The following ANGPT1 variants were observed in gnomAD, a reference collection of about 807,000 sequenced individuals.
ANGPT1 encodes angiopoietin 1, also known as angiopoietin-1.
ANGPT1 carries 17 observed loss-of-function variants against 62.2 expected under a neutral mutation model. That is an observed-to-expected ratio of 0.27 (90% CI 0.19 to 0.41). The LOEUF is 0.41. Ranked by LOEUF, ANGPT1 falls within the 10% of genes least tolerant of loss-of-function variation. The pLI is 1.00. For synonymous variants in ANGPT1, 199 were observed against 198.9 expected (o/e 1.00, Z 0.00); for missense variants, 478 against 594.9 (o/e 0.80, Z 2.04).
At chr8:107,487,244 T>G (rs1203070754) in intron 1 of ANGPT1, among the ~76,000 whole-genome samples, 1 of 152,006 alleles carries the variant, frequency 6.6e-6, no homozygotes, top group African/African-American at 2.4e-5. Flanking sequence ...TTAAAAACAA[T>G]AATGGAGGAG....
intron 4 of ANGPT1, among the ~76,000 whole-genome samples, chr8:107,313,299 C>A (rs1316643721): frequency 6.6e-6 from 1 of 152,002 alleles, no homozygotes; most frequent in Non-Finnish European, 1.5e-5. Flanking sequence ...CATAACCCCA[C>A]TCAGAATGTG....
chr8:107,370,309 AGGAAGGAAGGAAAG>A (rs1225139501), intron 1 of ANGPT1, among the ~76,000 whole-genome samples: 1 of 103,884 alleles, frequency 9.6e-6, no homozygotes, highest in African/African-American at 3.2e-5. Flanking sequence ...GAAAGAAAGA[AGGAAGGAAGGAAAG>A]AGAAAGGAAA....
At chr8:107,466,378 A>G (rs528768437) in intron 1 of ANGPT1, among the ~76,000 whole-genome samples, 60 of 152,150 alleles carry the variant, frequency 3.9e-4, no homozygotes, top group Middle Eastern at 3.4e-3. Flanking sequence ...GAGATGGACA[A>G]CCTGGATTCT....
intron 1 of ANGPT1, among the ~76,000 whole-genome samples, chr8:107,388,434 A>G (rs1479366307): frequency 4.4e-5 from 2 of 45,242 alleles, no homozygotes; most frequent in African/African-American, 8.5e-5. Flanking sequence ...TTTTAATAAA[A>G]ATAAATAAAT....
At chr8:107,449,160 G>T (rs1018690191) in intron 1 of ANGPT1, among the ~76,000 whole-genome samples, 2 of 151,968 alleles carry the variant, frequency 1.3e-5, no homozygotes, top group Non-Finnish European at 2.9e-5. Context: ...TCATTTACTT[G>T]TCCCTACATC....
intron 1 of ANGPT1, among the ~76,000 whole-genome samples, chr8:107,379,037 T>C (rs1816585885): frequency 6.6e-6 from 1 of 152,000 alleles, no homozygotes; most frequent in Non-Finnish European, 1.5e-5. Context: ...ACAAACTCTG[T>C]TTCTATTATT....
chr8:107,414,776 G>A (rs956106069), intron 1 of ANGPT1, among the ~76,000 whole-genome samples: 4 of 152,100 alleles, frequency 2.6e-5, no homozygotes, highest in Admixed American at 2.6e-4. Context: ...CAAAATGAAT[G>A]TAAATCTTTA....
chr8:107,354,551 T>C (rs965260560), intron 1 of ANGPT1, among the ~76,000 whole-genome samples: 1 of 152,196 alleles, frequency 6.6e-6, no homozygotes, highest in African/African-American at 2.4e-5. Context: ...TGAATATTAA[T>C]TTATTATAGA....
chr8:107,405,169 T>C (rs1311777491), intron 1 of ANGPT1, among the ~76,000 whole-genome samples: 2 of 151,928 alleles, frequency 1.3e-5, no homozygotes, highest in Non-Finnish European at 2.9e-5. Context: ...TTACAGTTTT[T>C]TCTCATTCTA....
intron 1 of ANGPT1, among the ~76,000 whole-genome samples, chr8:107,351,890 G>C (rs1370192445): frequency 6.6e-6 from 1 of 152,138 alleles, no homozygotes; most frequent in Non-Finnish European, 1.5e-5. Flanking sequence ...ACAAAGGCTA[G>C]ATATGTACCA....
chr8:107,435,153 A>C (rs2130416474), intron 1 of ANGPT1, among the ~76,000 whole-genome samples: 1 of 152,314 alleles, frequency 6.6e-6, no homozygotes, highest in East Asian at 1.9e-4. Context: ...AGAGTGACAG[A>C]AATGTTCAGA....
intron 4 of ANGPT1, among the ~76,000 whole-genome samples, chr8:107,321,488 T>G (rs1815148325): frequency 2.0e-5 from 3 of 152,170 alleles, no homozygotes; most frequent in Admixed American, 2.0e-4. Context: ...ATAATAAATA[T>G]TCATTTAAAA....
intron 6 of ANGPT1, among the ~76,000 whole-genome samples, chr8:107,285,049 T>C (rs1411503907): frequency 6.6e-6 from 1 of 152,154 alleles, no homozygotes; most frequent in Non-Finnish European, 1.5e-5. Context: ...AATTCTTACT[T>C]AGTACAATAA....
At chr8:107,347,799 C>A (rs919709091) in intron 1 of ANGPT1, among the ~76,000 whole-genome samples, 4 of 152,244 alleles carry the variant, frequency 2.6e-5, no homozygotes, top group Admixed American at 6.5e-5. Context: ...AAGTACAACC[C>A]ATATAGCAGT....
Position 107,263,210 on chromosome 8 carries a change from C to T in ANGPT1, c.1336+1011G>A, listed in dbSNP as rs372402023. ...CTTTACTAAAAATAGAAAAATTAGC[C>T]GGGCGTGGTGGTGGGCACCTGTAAT... On this transcript the variant is annotated intron_variant, in intron 8 of 8. Transcript: ENST00000517746. 2.8e-4 allele frequency among the ~76,000 whole-genome samples: 42 copies of T among 151,730 alleles called. No homozygotes were observed. In the South Asian group the frequency reaches 4.2e-3, roughly 15 times the overall value.
At chr8:107,389,031 G>A (rs1816785902) in intron 1 of ANGPT1, among the ~76,000 whole-genome samples, 1 of 152,126 alleles carries the variant, frequency 6.6e-6, no homozygotes, top group African/African-American at 2.4e-5. Context: ...AGTCTCTGAG[G>A]ATTCAGATGG....
chr8:107,310,952 T>G (rs1005138174), intron 4 of ANGPT1, among the ~76,000 whole-genome samples: 1 of 79,626 alleles, frequency 1.3e-5, no homozygotes, highest in African/African-American at 3.4e-5. Context: ...TGTGTGTGTA[T>G]GTATGTGTGT....
chr8:107,367,428 A>G (rs1196121599), intron 1 of ANGPT1, among the ~76,000 whole-genome samples: 1 of 152,172 alleles, frequency 6.6e-6, no homozygotes, highest in Non-Finnish European at 1.5e-5. Flanking sequence ...CTGACTGATC[A>G]GGGTGGGGTG....
intron 7 of ANGPT1, among the ~76,000 whole-genome samples, chr8:107,274,844 C>T (rs143244254): frequency 1.8e-3 from 268 of 151,522 alleles, no homozygotes; most frequent in Middle Eastern, 3.4e-3. Flanking sequence ...GCTTTTTTTT[C>T]GAGACATGTG....
Sources: allele counts gnomAD v4.1 joint callset (sites outside exome capture counted in the v4.1 genomes callset), GRCh38; gene constraint gnomAD v4.1.1; transcripts MANE v1.5; gene names NCBI Gene and HGNC (gene_info 2026-07-23, HGNC 2026-07-21).